Variants in BEND3 observed in about 807,000 individuals in gnomAD.
The protein encoded by BEND3 is BEN domain-containing protein 3.
BEND3 carries 13 observed loss-of-function variants against 60.1 expected under a neutral mutation model. The observed-to-expected ratio is 0.22, with a 90% CI of 0.14 to 0.34. BEND3 has a LOEUF of 0.34. Among genes scored for constraint, BEND3 ranks in the 10% least tolerant of loss-of-function variants. BEND3 has a pLI of 1.00. For synonymous variants in BEND3, 497 were observed against 491.5 expected (o/e 1.01, Z -0.15); for missense variants, 896 against 1,138.1 (o/e 0.79, Z 3.06).
intron 1 of BEND3, among the ~76,000 whole-genome samples, chr6:107,111,956 TG>T (rs1328742207): frequency 6.7e-6 from 1 of 148,270 alleles, no homozygotes; most frequent in Non-Finnish European, 1.5e-5. Flanking sequence ...CACTCCAGCC[TG>T]GGCACCAGAG....
At chr6:107,076,573 C>T (rs782790036) in intron 3 of BEND3, among the ~76,000 whole-genome samples, 22 of 152,156 alleles carry the variant, frequency 1.4e-4, no homozygotes, top group Non-Finnish European at 2.5e-4. Flanking sequence ...GTGGGACACC[C>T]TGGAGATGCT....
chr6:107,087,978 A>AAC (rs1234440472), intron 3 of BEND3, among the ~76,000 whole-genome samples: 5 of 150,356 alleles, frequency 3.3e-5, no homozygotes, highest in African/African-American at 4.9e-5. Flanking sequence ...ATAAAAAAAA[A>AAC]AAAAACACTG....
chr6:107,101,078 T>C (rs1554236703), intron 1 of BEND3, among the ~76,000 whole-genome samples: 1 of 152,136 alleles, frequency 6.6e-6, no homozygotes, highest in Non-Finnish European at 1.5e-5. Flanking sequence ...GGCACACGCC[T>C]ATAGTCCCAG....
chr6:107,114,972 C>A (rs1405299807), intron 1 of BEND3, 118 bp downstream of exon 1: 31 of 147,958 alleles, frequency 2.1e-4, no homozygotes, highest in African/African-American at 4.9e-5. Context: ...TCCGCGTCCC[C>A]TCCCCTGCTC....
intron 1 of BEND3, chr6:107,106,281 G>T (rs1361547951): frequency 6.6e-6 from 1 of 152,234 alleles, no homozygotes; most frequent in African/African-American, 2.4e-5. Flanking sequence ...AGGGAACGGG[G>T]CGGGGGTGGG....
rs1554234010 is a variant in BEND3, at chr6:107,085,022, G to A, written c.240+13529C>T. Among the ~76,000 whole-genome samples, 6 of 152,206 alleles carry A rather than the reference G, an allele frequency of 3.9e-5. No individual in the cohort carries two copies. The South Asian group carries it at 1.2e-3, about 31-fold the overall frequency. ...CTCTTTGGGTCTGCAGTACCTTTAT[G>A]AGCTGTAACACTCATCACGACGGTC... On this transcript the variant is annotated intron_variant, in intron 3 of 3. Coordinates refer to ENST00000369042, the MANE Select transcript of BEND3 (RefSeq NM_001367314.1).
At chr6:107,089,601 T>C (rs1440939887) in intron 3 of BEND3, among the ~76,000 whole-genome samples, 3 of 59,460 alleles carry the variant, frequency 5.0e-5, no homozygotes, top group East Asian at 5.5e-4. Flanking sequence ...AAAAAAAGGA[T>C]TTTTTTTTTT....
intron 1 of BEND3, among the ~76,000 whole-genome samples, chr6:107,104,175 A>C (rs1554237086): frequency 6.6e-6 from 1 of 151,398 alleles, no homozygotes; most frequent in African/African-American, 2.4e-5. Context: ...CCATAGTCCC[A>C]GCTACTCGGG....
chr6:107,073,201 GTA>G (rs782669876), intron 3 of BEND3, among the ~76,000 whole-genome samples: 20 of 22,646 alleles, frequency 8.8e-4, no homozygotes, highest in East Asian at 3.6e-3. Context: ...GTATGTGTAT[GTA>G]TATATATATA....
intron 1 of BEND3, among the ~76,000 whole-genome samples, chr6:107,101,645 G>T (rs193070272): frequency 2.6e-5 from 4 of 152,178 alleles, no homozygotes; most frequent in African/African-American, 9.7e-5. Context: ...AAGGGTCCGA[G>T]AACTATTTTA....
intron 3 of BEND3, among the ~76,000 whole-genome samples, chr6:107,089,796 T>C (rs1775437191): frequency 6.6e-6 from 1 of 150,876 alleles, no homozygotes. Flanking sequence ...GGTTTCACCA[T>C]GTTGGCCAGG....
In BEND3 at chr6:107,106,422, G is replaced by A. The variant is rs564402406; in HGVS notation, c.-11-7126C>T. ...CTGAGGAATGGGCCATGACCTCCCA[G>A]CTTTCTTTCCCTCTTCCTGCTAAGC... On this transcript the variant is annotated intron_variant, in intron 1 of 3. Transcript: ENST00000369042. Among the ~76,000 whole-genome samples the A allele has an allele frequency of 9.2e-5, 14 of 152,280 alleles. No individual in the cohort carries two copies. In the South Asian group the frequency reaches 2.9e-3, roughly 32 times the overall value.
chr6:107,112,639 A>T (rs1770133660), intron 1 of BEND3, among the ~76,000 whole-genome samples: 1 of 151,950 alleles, frequency 6.6e-6, no homozygotes, highest in Admixed American at 6.6e-5. Context: ...GAATGACCTG[A>T]GGTCGGGAGT....
At chr6:107,103,987 G>T (rs113277492) in intron 1 of BEND3, among the ~76,000 whole-genome samples, 1 of 126,260 alleles carries the variant, frequency 7.9e-6, no homozygotes, top group African/African-American at 3.1e-5. Context: ...AAGAAAGAAA[G>T]AAAAAACAAA....
At chr6:107,081,423 C>T (rs562054574) in intron 3 of BEND3, among the ~76,000 whole-genome samples, 2 of 150,862 alleles carry the variant, frequency 1.3e-5, no homozygotes, top group East Asian at 2.0e-4. Flanking sequence ...GGTTTCACCA[C>T]GTTGGCTAGG....
intron 3 of BEND3, among the ~76,000 whole-genome samples, chr6:107,086,131 G>A (rs905311270): frequency 6.6e-6 from 1 of 152,070 alleles, no homozygotes; most frequent in Admixed American, 6.6e-5. Context: ...ACTATTTAAC[G>A]TGAGCTAAAC....
rs546910395 is a variant in BEND3, at chr6:107,084,046, A to G, written c.241-13096T>C. ...AGCATTCCATCCTAACTACAAGGAAAAAGCTGAACAAACTGAAAAAATCAA... is the reference window on the plus strand; with the variant it reads ...AGCATTCCATCCTAACTACAAGGAAGAAGCTGAACAAACTGAAAAAATCAA... On this transcript the variant is annotated intron_variant, in intron 3 of 3. Coordinates refer to ENST00000369042, the MANE Select transcript of BEND3 (RefSeq NM_001367314.1). Among the ~76,000 whole-genome samples the G allele has an allele frequency of 6.6e-5, 10 of 152,380 alleles. No individual in the cohort carries two copies. In the South Asian group the frequency reaches 2.1e-3, roughly 32 times the overall value.
chr6:107,099,761 C>G (rs1775666649), intron 1 of BEND3, among the ~76,000 whole-genome samples: 1 of 152,150 alleles, frequency 6.6e-6, no homozygotes, highest in Non-Finnish European at 1.5e-5. Context: ...CTAGCCACAC[C>G]TGGCTACCAA....
intron 3 of BEND3, among the ~76,000 whole-genome samples, chr6:107,075,107 G>C (rs535421898): frequency 4.6e-5 from 7 of 151,808 alleles, no homozygotes; most frequent in African/African-American, 1.4e-4. Context: ...AAGAGGGAAG[G>C]ATTAGCCACT....
Sources: gnomAD v4.1 joint callset for allele counts (sites outside exome capture counted in the v4.1 genomes callset) on GRCh38, gnomAD v4.1.1 for gene constraint, MANE v1.5 for transcripts, NCBI Gene and HGNC (gene_info 2026-07-23, HGNC 2026-07-21) for gene names.